The following NEDD9 variants were observed in gnomAD, a reference collection of about 807,000 sequenced individuals.
The protein encoded by NEDD9 is enhancer of filamentation 1.
NEDD9 carries 26 observed loss-of-function variants against 76.6 expected under a neutral mutation model. The observed-to-expected ratio is 0.34, with a 90% CI of 0.25 to 0.47. NEDD9 has a LOEUF of 0.47. NEDD9 is among the 20% of genes least tolerant of loss of function. The pLI is 1.00. For synonymous variants in NEDD9, 392 were observed against 414.2 expected (o/e 0.95, Z 0.65); for missense variants, 937 against 1,058.5 (o/e 0.89, Z 1.59).
intron 2 of NEDD9, among the ~76,000 whole-genome samples, chr6:11,203,975 TAA>T (rs59959052): frequency 0.21 from 31,313 of 149,406 alleles, 3,554 homozygotes; most frequent in African/African-American, 0.27. Flanking sequence ...ATCTTTTCTT[TAA>T]AAAAAAAAAA....
At chr6:11,280,444 A>T (rs1489533836) in intron 3 of NEDD9, among the ~76,000 whole-genome samples, 1 of 152,210 alleles carries the variant, frequency 6.6e-6, no homozygotes, top group Non-Finnish European at 1.5e-5. Context: ...AGAACTGGCC[A>T]GGGGAAATGA....
At chr6:11,270,335 C>T (rs1045961052) in intron 3 of NEDD9, among the ~76,000 whole-genome samples, 1 of 151,004 alleles carries the variant, frequency 6.6e-6, no homozygotes, top group Non-Finnish European at 1.5e-5. Flanking sequence ...TCACCAAATG[C>T]AGGCTATGTG....
intron 3 of NEDD9, among the ~76,000 whole-genome samples, chr6:11,303,456 G>T (rs941673190): frequency 3.3e-5 from 5 of 152,198 alleles, no homozygotes; most frequent in African/African-American, 1.2e-4. Flanking sequence ...GTAATTTATA[G>T]ATTCAGTGTC....
At chr6:11,294,371 A>T (rs925656741) in intron 3 of NEDD9, among the ~76,000 whole-genome samples, 1 of 152,100 alleles carries the variant, frequency 6.6e-6, no homozygotes, top group Non-Finnish European at 1.5e-5. Flanking sequence ...ATGTTGGATC[A>T]TGGGGGTGGA....
chr6:11,269,898 G>A (rs1002959695), intron 3 of NEDD9, among the ~76,000 whole-genome samples: 8 of 152,208 alleles, frequency 5.3e-5, no homozygotes, highest in African/African-American at 1.7e-4. Flanking sequence ...AGGCCAAGGC[G>A]GGTGGATCAC....
At chr6:11,316,946 T>G (rs1383992436) in intron 2 of NEDD9, among the ~76,000 whole-genome samples, 2 of 152,196 alleles carry the variant, frequency 1.3e-5, no homozygotes, top group Non-Finnish European at 2.9e-5. Flanking sequence ...AAATGGTGAA[T>G]TTGAATGCGG....
rs1457034195 is a variant in NEDD9 at position 11,241,777 on chromosome 6, G to T, written c.13-28050C>A. On this transcript the variant is annotated intron_variant, in intron 3 of 3. Transcript: ENST00000397378. The surrounding 1 kb of genome is among the most constrained non-coding windows in gnomAD (Gnocchi z 4.0). ...AGCCCTCCAAGAAGGCCTCCCTCCC[G>T]TGCCCCGCTGCCCTCATCAGCTGAG... 1.3e-5 allele frequency among the ~76,000 whole-genome samples: 2 copies of T among 152,118 alleles called. No homozygotes were observed. The highest frequency in any genetic ancestry group is 1.5e-5 in the Non-Finnish European group (1 of 68,012).
chr6:11,277,957 G>C (rs1760449552), intron 3 of NEDD9, among the ~76,000 whole-genome samples: 1 of 152,094 alleles, frequency 6.6e-6, no homozygotes, highest in Non-Finnish European at 1.5e-5. Flanking sequence ...TGAGCCTGAG[G>C]GCCACTTCTT....
In NEDD9 at chr6:11,344,893, A is replaced by AT. The variant is rs569161875; in HGVS notation, c.-213-10333_-213-10332insA. On this transcript the variant is annotated intron_variant, in intron 1 of 3. Transcript: ENST00000397378. Reference sequence around the variant, plus strand: ...ATTCAAAAAAAAGTGGAGATTGGGAACAGGTGTGGAAAAGAGTCGAAGTAC... The same window carrying AT: ...ATTCAAAAAAAAGTGGAGATTGGGAATCAGGTGTGGAAAAGAGTCGAAGTAC... 4.1e-3 allele frequency among the ~76,000 whole-genome samples: 618 copies of AT among 152,318 alleles called. 2 individuals carry two copies. The highest frequency in any genetic ancestry group is 0.014 in the African/African-American group (587 of 41,562).
At chr6:11,305,704 C>G (rs1400477594) in intron 3 of NEDD9, 2 of 418,080 alleles carry the variant, frequency 4.8e-6, no homozygotes, top group Admixed American at 7.3e-5. Flanking sequence ...CAGGCTTGCT[C>G]GGGCACCATT....
intron 2 of NEDD9, among the ~76,000 whole-genome samples, chr6:11,204,742 GAAAGAAAGA>G (rs1234447943): frequency 8.8e-6 from 1 of 114,024 alleles, no homozygotes; most frequent in East Asian, 3.0e-4. Flanking sequence ...AAAAAAGAAA[GAAAGAAAGA>G]AAAGAAAAGG....
intron 3 of NEDD9, among the ~76,000 whole-genome samples, chr6:11,281,124 A>C (rs536357230): frequency 6.6e-6 from 1 of 152,376 alleles, no homozygotes; most frequent in South Asian, 2.1e-4. Context: ...TGTGGAAGAA[A>C]GATAGGCATG....
At chr6:11,186,018 A>G (rs1039291370) in intron 6 of NEDD9, among the ~76,000 whole-genome samples, 1 of 152,204 alleles carries the variant, frequency 6.6e-6, no homozygotes, top group African/African-American at 2.4e-5. Context: ...GGTATGTAGT[A>G]GGCTCTATGT....
chr6:11,342,338 C>A (rs941492004), intron 1 of NEDD9, among the ~76,000 whole-genome samples: 11 of 151,912 alleles, frequency 7.2e-5, no homozygotes, highest in African/African-American at 2.4e-4. Context: ...ATCCACGAAG[C>A]CCAAGTAAGA....
chr6:11,303,500 A>G (rs565395099), intron 3 of NEDD9, among the ~76,000 whole-genome samples: 4 of 151,438 alleles, frequency 2.6e-5, no homozygotes, highest in South Asian at 2.1e-4. Context: ...TCTTTACGTA[A>G]TTGGAAAAAA....
intron 3 of NEDD9, among the ~76,000 whole-genome samples, chr6:11,273,918 G>A (rs1053065853): frequency 2.0e-5 from 3 of 152,116 alleles, no homozygotes; most frequent in Admixed American, 2.0e-4. Context: ...TTCCCAAGTC[G>A]AGCAAAGAAA....
At chr6:11,221,435 G>A (rs1258572857) in intron 1 of NEDD9, among the ~76,000 whole-genome samples, 3 of 151,862 alleles carry the variant, frequency 2.0e-5, no homozygotes, top group Non-Finnish European at 4.4e-5. Context: ...AGAACACCTA[G>A]GTTTTTTATA....
intron 1 of NEDD9, among the ~76,000 whole-genome samples, chr6:11,344,933 T>C (rs1020416523): frequency 1.3e-5 from 2 of 152,214 alleles, no homozygotes; most frequent in African/African-American, 4.8e-5. Context: ...ACTTCTCATT[T>C]CAAGCCCTTC....
chr6:11,248,022 G>GT (rs950801992), intron 3 of NEDD9, among the ~76,000 whole-genome samples: 4 of 151,696 alleles, frequency 2.6e-5, no homozygotes, highest in African/African-American at 7.3e-5. Context: ...ATTTTTAAGG[G>GT]TTTTTTTAAA....
Sources: gnomAD v4.1 joint callset for allele counts (sites outside exome capture counted in the v4.1 genomes callset) on GRCh38, gnomAD v4.1.1 for gene constraint, Gnocchi (gnomAD v3.1) non-coding constraint, MANE v1.5 for transcripts, NCBI Gene and HGNC (gene_info 2026-07-23, HGNC 2026-07-21) for gene names.